Variants in HEATR5A observed in about 807,000 individuals in gnomAD.
The protein encoded by HEATR5A is HEAT repeat-containing protein 5A.
A neutral mutation model predicts 218.8 loss-of-function variants in HEATR5A; 178 were observed. That is an observed-to-expected ratio of 0.81 (90% CI 0.72 to 0.92). HEATR5A has a LOEUF of 0.92. Among genes scored for constraint, HEATR5A ranks in the 40% least tolerant of loss-of-function variants. HEATR5A has a pLI of 0.00. For synonymous variants in HEATR5A, 864 were observed against 871.6 expected, an observed-to-expected ratio of 0.99 and a Z score of 0.15; for missense variants, 2,420 against 2,418.9, an observed-to-expected ratio of 1.00 and a Z score of -0.01.
chr14:31,365,446 C>T (rs953400980), intron 13 of HEATR5A, among the ~76,000 whole-genome samples: 4 of 151,554 alleles, frequency 2.6e-5, no homozygotes, highest in Admixed American at 6.6e-5. Context: ...CTGCAACCTC[C>T]GCCTCCTGGG....
chr14:31,304,766 T>C (rs1899502616), intron 32 of HEATR5A, 139 bp downstream of exon 32: 2 of 856,506 alleles, frequency 2.3e-6, no homozygotes, highest in Non-Finnish European at 3.6e-6. Context: ...GTAATCCTAA[T>C]CTTAGAGGAT....
Position 31,387,646 on chromosome 14 carries a change from G to A in HEATR5A, c.934-271C>T, listed in dbSNP as rs139797526. Among the ~76,000 whole-genome samples, 628 of 150,802 alleles carry A rather than the reference G, an allele frequency of 4.2e-3. 4 individuals carry two copies. The highest frequency in any genetic ancestry group is 0.015 in the African/African-American group (597 of 41,004). On this transcript the variant is annotated intron_variant, in intron 7 of 35. Coordinates refer to ENST00000543095, the MANE Select transcript of HEATR5A (RefSeq NM_015473.4). ...GCAATCTCAGCTCACTGCAAGCTCCGCCTCCTGGGTTCACGCCATTCTCCT... is the reference window on the plus strand; with the variant it reads ...GCAATCTCAGCTCACTGCAAGCTCCACCTCCTGGGTTCACGCCATTCTCCT...
intron 21 of HEATR5A, chr14:31,340,506 T>C: frequency 5.5e-6 from 7 of 1,276,660 alleles, no homozygotes; most frequent in Non-Finnish European, 7.2e-6. Context: ...ACACCAGTCA[T>C]GACAAAACCA....
At chr14:31,293,691 A>G in intron 35 of HEATR5A, 79 bp from the exon 36 acceptor site, 1 of 1,319,666 alleles carries the variant, frequency 7.6e-7, no homozygotes, top group South Asian at 1.5e-5. Context: ...TGATCTGTAT[A>G]CATTTTTCCC....
At position 31,327,286 on chromosome 14, in the gene HEATR5A, C is replaced by CTTTTTT. The variant is rs71951930; in HGVS notation, c.3368-950_3368-945dup. On this transcript the variant is annotated intron_variant, in intron 22 of 35. Transcript: ENST00000543095. Reference sequence around the variant, plus strand: ...CCACAGTGCCCAGCCTCCAGTGGCACTTTTTTTTTTTTTTTTTTTTTTTTT... The same window carrying CTTTTTT: ...CCACAGTGCCCAGCCTCCAGTGGCACTTTTTTTTTTTTTTTTTTTTTTTTTTTTTTT... Among the ~76,000 whole-genome samples the CTTTTTT allele has an allele frequency of 4.8e-3, 218 of 45,176 alleles. 10 individuals are homozygous for CTTTTTT. The highest frequency in any genetic ancestry group is 0.011 in the East Asian group (16 of 1,408). The allele number at this position is 45,176 out of a possible 152,430, so 29.6% of individuals were successfully genotyped here. A position where few individuals can be genotyped will look rare whatever the true frequency, so the allele number is the denominator to read the frequency against.
chr14:31,317,710 A>G (rs146395241), intron 26 of HEATR5A, among the ~76,000 whole-genome samples: 1 of 152,342 alleles, frequency 6.6e-6, no homozygotes, highest in East Asian at 1.9e-4. Flanking sequence ...TTGAAATACA[A>G]ATCTAAACTA....
intron 33 of HEATR5A, 22 bp from the exon 34 acceptor site, chr14:31,296,085 G>T (rs1395311924): frequency 6.2e-7 from 1 of 1,606,120 alleles, no homozygotes; most frequent in African/African-American, 1.3e-5. Flanking sequence ...TGCTCTATTA[G>T]AAACAGTTCA....
At chr14:31,324,267 A>G (rs1900194967) in intron 23 of HEATR5A, among the ~76,000 whole-genome samples, 1 of 152,132 alleles carries the variant, frequency 6.6e-6, no homozygotes, top group South Asian at 2.1e-4. Flanking sequence ...AATTGTCTGA[A>G]AATATTTTTC....
At chr14:31,405,227 C>T (rs886280012) in intron 1 of HEATR5A, among the ~76,000 whole-genome samples, 6 of 152,026 alleles carry the variant, frequency 3.9e-5, no homozygotes, top group East Asian at 3.9e-4. Flanking sequence ...TGAACTCAGG[C>T]GTTTGAGACC....
At chr14:31,409,379 C>A (rs1007103624) in intron 1 of HEATR5A, among the ~76,000 whole-genome samples, 1 of 149,686 alleles carries the variant, frequency 6.7e-6, no homozygotes, top group Non-Finnish European at 1.5e-5. Flanking sequence ...TAACTTACTC[C>A]AAAACCACAT....
At chr14:31,362,577 G>C (rs1901655108) in intron 14 of HEATR5A, among the ~76,000 whole-genome samples, 1 of 117,708 alleles carries the variant, frequency 8.5e-6, no homozygotes, top group Middle Eastern at 8.2e-3. Context: ...AACCTGGGCA[G>C]CACAGCAAGA....
intron 1 of HEATR5A, among the ~76,000 whole-genome samples, chr14:31,405,229 T>G (rs112458833): frequency 0.01 from 1,596 of 152,064 alleles, 24 homozygotes; most frequent in African/African-American, 0.036. Context: ...AACTCAGGCG[T>G]TTGAGACCAG....
At chr14:31,394,440 C>G (rs923387717) in intron 5 of HEATR5A, among the ~76,000 whole-genome samples, 3 of 151,936 alleles carry the variant, frequency 2.0e-5, no homozygotes, top group African/African-American at 7.3e-5. Context: ...GAGGAGAACC[C>G]ATTTCTAACT....
chr14:31,313,410 T>C (rs999530297), intron 27 of HEATR5A, among the ~76,000 whole-genome samples: 4 of 152,132 alleles, frequency 2.6e-5, no homozygotes, highest in African/African-American at 9.7e-5. Flanking sequence ...GGATAACAAA[T>C]ATCTGGTAAA....
chr14:31,337,301 G>C (rs1342286963), intron 22 of HEATR5A, among the ~76,000 whole-genome samples, 175 bp downstream of exon 22: 1 of 152,172 alleles, frequency 6.6e-6, no homozygotes, highest in Admixed American at 6.5e-5. Context: ...ACCAGTTTGA[G>C]AACCACCACT....
At chr14:31,348,968 A>G (rs558091544) in intron 18 of HEATR5A, among the ~76,000 whole-genome samples, 1 of 152,266 alleles carries the variant, frequency 6.6e-6, no homozygotes, top group South Asian at 2.1e-4. Context: ...CTTTTTTCCC[A>G]TATTACTTTT....
At position 31,383,766 on chromosome 14, in the gene HEATR5A, G is replaced by T; in HGVS notation, c.1351C>A (p.Leu451Ile). The T allele has an allele frequency of 6.2e-7, 1 of 1,612,432 alleles. No individual in the cohort carries two copies. Among genetic ancestry groups the T allele is most frequent in the East Asian group, 2.2e-5 (1 of 44,868 alleles). The change falls in exon 10 of 36, where the codon CTT becomes ATT. Residue 451 changes from leucine to isoleucine, a missense_variant. By Grantham distance (5) the Leu-to-Ile change is conservative (BLOSUM62 2). Transcript: ENST00000543095. ...PLLQDSSTGLLDSILSVILHP... is the reference protein window; with the variant it reads ...PLLQDSSTGLIDSILSVILHP... Reference sequence around the variant, plus strand: ...AGAATAACTGACAAGATACTGTCAAGGAGACCTGGAAGGATAAACAAATGA... The same window carrying T: ...AGAATAACTGACAAGATACTGTCAATGAGACCTGGAAGGATAAACAAATGA...
intron 13 of HEATR5A, among the ~76,000 whole-genome samples, chr14:31,369,608 C>CAAAAAAAAAAAA (rs71430951): frequency 6.6e-5 from 3 of 45,162 alleles, no homozygotes; most frequent in Admixed American, 4.1e-4. Flanking sequence ...AAAACTGTCT[C>CAAAAAAAAAAAA]AAAAAAAAAA....
rs890504419 is a variant in HEATR5A, at chr14:31,315,775, C to T, written c.4213G>A (p.Ala1405Thr). The change falls in exon 27 of 36, where the codon GCA becomes ACA. Residue 1405 changes from alanine (A) to threonine (T), a missense_variant. By Grantham distance (58) the Ala-to-Thr change is moderately conservative (BLOSUM62 0). Coordinates refer to ENST00000543095, the MANE Select transcript of HEATR5A (RefSeq NM_015473.4). The stretch of plus-strand genomic sequence containing the variant: ...ACAAATTAAGAAATACCAACCTCTG[C>T]CCAGGCTTTAAGCACAGCTAAGATC... ...MEILAVLKAW[A>T]EVYIIAVQRH... 1.3e-6 allele frequency: 2 copies of T among 1,584,118 alleles called. No individual in the cohort carries two copies. Among genetic ancestry groups the T allele is most frequent in the Non-Finnish European group, 1.7e-6 (2 of 1,164,262 alleles).
Sources: gnomAD v4.1 joint callset for allele counts (sites outside exome capture counted in the v4.1 genomes callset) on GRCh38, gnomAD v4.1.1 for gene constraint, MANE v1.5 for transcripts, NCBI Gene and HGNC (gene_info 2026-07-23, HGNC 2026-07-21) for gene names.